Variants in GTF2E2 observed in about 807,000 individuals in gnomAD.
GTF2E2 encodes the protein general transcription factor IIE subunit 2, also known as transcription initiation factor IIE subunit beta.
GTF2E2 carries 21 observed loss-of-function variants against 40.5 expected under a neutral mutation model. The ratio of observed to expected loss-of-function variants is 0.52; its 90% CI spans 0.37 to 0.75. The LOEUF is 0.75. Ranked by LOEUF, GTF2E2 falls within the 30% of genes least tolerant of loss-of-function variation. GTF2E2 has a pLI of 0.00. For missense variants in GTF2E2, 298 were observed against 338.4 expected, an observed-to-expected ratio of 0.88 and a Z score of 0.94; for synonymous variants, 117 against 121.6, an observed-to-expected ratio of 0.96 and a Z score of 0.25.
intron 6 of GTF2E2, chr8:30,596,816 C>T (rs1200315624): frequency 6.6e-6 from 1 of 152,230 alleles, no homozygotes; most frequent in East Asian, 1.9e-4. Context: ...GAGGTTGAGT[C>T]AATCTATTGT....
chr8:30,597,270 T>A (rs1340432195), intron 6 of GTF2E2: 1 of 152,172 alleles, frequency 6.6e-6, no homozygotes, highest in Non-Finnish European at 1.5e-5. Context: ...GGCTCTTATC[T>A]CATAGGAGCA....
chr8:30,653,478 T>C lies in GTF2E2; in HGVS notation c.121A>G (p.Thr41Ala), dbSNP rs1802353483. 1 of 1,614,020 alleles carries C rather than the reference T, an allele frequency of 6.2e-7. No homozygotes were observed. The highest frequency in any genetic ancestry group is 8.5e-7 in the Non-Finnish European group (1 of 1,179,878). Residue 41 changes from threonine (T) to alanine (A), a missense_variant, in exon 2 of 8, where the codon ACA (threonine) becomes GCA (alanine). Thr to Ala is a moderately conservative substitution (Grantham distance 58). Transcript: ENST00000355904. Reference protein sequence around the residue: ...SSSSSSKKKKTKVEHGGSSGS... With the variant: ...SSSSSSKKKKAKVEHGGSSGS... ...GACGATCCTCCATGTTCTACCTTTG[T>C]TTTCTTCTTCTTTGACGATGATGAT...
At chr8:30,592,921 C>T (rs570415137) in intron 6 of GTF2E2, among the ~76,000 whole-genome samples, 1 of 152,272 alleles carries the variant, frequency 6.6e-6, no homozygotes, top group Admixed American at 6.5e-5. Context: ...ACACACAGGG[C>T]CAGGCACAGT....
intron 3 of GTF2E2, among the ~76,000 whole-genome samples, chr8:30,631,300 A>G (rs377614792): frequency 1.3e-5 from 2 of 152,232 alleles, no homozygotes; most frequent in East Asian, 1.9e-4. Flanking sequence ...TACAGGTGTG[A>G]GCCACTGTGC....
At chr8:30,650,354 A>G (rs1256953459) in intron 2 of GTF2E2, among the ~76,000 whole-genome samples, 2 of 152,106 alleles carry the variant, frequency 1.3e-5, no homozygotes, top group Non-Finnish European at 2.9e-5. Flanking sequence ...ATCTCATTAG[A>G]TACATAAAAA....
chr8:30,623,307 G>A lies in GTF2E2; in HGVS notation c.259-8592C>T, dbSNP rs183611894. On this transcript the variant is annotated intron_variant, in intron 3 of 7. Transcript: ENST00000355904. ...GAGAACATGCAGTGTTTGGTTTTTC[G>A]TCCTTGCGATAGTTTGCTGAGAATG... 1.4e-3 allele frequency among the ~76,000 whole-genome samples: 210 copies of A among 152,042 alleles called. 1 individual carries two copies. The highest frequency in any genetic ancestry group is 2.3e-3 in the African/African-American group (94 of 41,384).
At chr8:30,580,642 C>T (rs1165226491) in intron 6 of GTF2E2, among the ~76,000 whole-genome samples, 1 of 152,280 alleles carries the variant, frequency 6.6e-6, no homozygotes, top group East Asian at 1.9e-4. Context: ...ATGAGGGCTG[C>T]CACAATGAAG....
At chr8:30,629,663 T>C (rs1246071331) in intron 3 of GTF2E2, among the ~76,000 whole-genome samples, 3 of 130,310 alleles carry the variant, frequency 2.3e-5, no homozygotes, top group Admixed American at 9.2e-5. Context: ...CACTCCAGCC[T>C]GGGTGACAGA....
chr8:30,584,150 C>T (rs1023482074), intron 6 of GTF2E2, among the ~76,000 whole-genome samples: 3 of 151,478 alleles, frequency 2.0e-5, no homozygotes, highest in African/African-American at 4.8e-5. Context: ...CAGCTCTAAT[C>T]ACTAAGATTT....
chr8:30,580,371 G>C lies in GTF2E2; in HGVS notation c.669C>G (p.Val223=). 1 of 1,589,494 alleles carries C rather than the reference G, an allele frequency of 6.3e-7. No homozygotes were observed. ...TCTCCTCGTCCATGGAATCTACAGT[G>C]ACACTCCTCCACAGTTTCTGAAATT... The part of the protein sequence containing the change: ...DEEFQKLWRS[V]TVDSMDEEKI... Residue 223 remains valine, a synonymous_variant, in exon 7 of 8, where the codon GTC becomes GTG. Transcript: ENST00000355904.
intron 5 of GTF2E2, among the ~76,000 whole-genome samples, chr8:30,608,755 G>T (rs1172080946): frequency 6.6e-6 from 1 of 152,112 alleles, no homozygotes; most frequent in Admixed American, 6.5e-5. Flanking sequence ...GGGGTCAGGA[G>T]TTTGTTTGTT....
chr8:30,624,361 A>T (rs1387424116), intron 3 of GTF2E2, among the ~76,000 whole-genome samples: 2 of 151,986 alleles, frequency 1.3e-5, no homozygotes. Context: ...GTTCTGTTCC[A>T]TTGGTCTGTA....
intron 5 of GTF2E2, among the ~76,000 whole-genome samples, chr8:30,610,577 C>T (rs1394996006): frequency 6.6e-6 from 1 of 151,852 alleles, no homozygotes; most frequent in Admixed American, 6.6e-5. Context: ...ACATGAGTAC[C>T]AAGACTAAGA....
chr8:30,629,817 A>G (rs1289339356), intron 3 of GTF2E2, among the ~76,000 whole-genome samples: 7 of 152,166 alleles, frequency 4.6e-5, no homozygotes, highest in Admixed American at 4.6e-4. Flanking sequence ...TGCTGGCTGG[A>G]GAATGACACT....
intron 3 of GTF2E2, among the ~76,000 whole-genome samples, chr8:30,616,104 T>C (rs909751225): frequency 1.1e-4 from 17 of 152,130 alleles, no homozygotes; most frequent in Non-Finnish European, 4.4e-5. Context: ...GCTCCAACTG[T>C]TGACATTCCG....
chr8:30,622,064 G>A (rs1379514066), intron 3 of GTF2E2, among the ~76,000 whole-genome samples: 2 of 151,490 alleles, frequency 1.3e-5, no homozygotes, highest in Non-Finnish European at 2.9e-5. Context: ...ATGTTGGTGT[G>A]CTGTACCCAC....
chr8:30,581,890 T>C (rs1379804580), intron 6 of GTF2E2, among the ~76,000 whole-genome samples: 2 of 152,210 alleles, frequency 1.3e-5, no homozygotes, highest in Non-Finnish European at 2.9e-5. Context: ...GACTACTGAA[T>C]GTATGAAACA....
At chr8:30,611,428 T>C (rs1464680464) in intron 5 of GTF2E2, among the ~76,000 whole-genome samples, 2 of 151,972 alleles carry the variant, frequency 1.3e-5, no homozygotes, top group African/African-American at 4.8e-5. Context: ...GAAATCATAC[T>C]TAAGGGTGTA....
At chr8:30,647,532 G>A (rs913282160) in intron 2 of GTF2E2, among the ~76,000 whole-genome samples, 4 of 152,182 alleles carry the variant, frequency 2.6e-5, no homozygotes, top group Non-Finnish European at 4.4e-5. Flanking sequence ...AGTGAGCTGA[G>A]ATCATGCCAT....
Sources: gnomAD v4.1 joint callset for allele counts (sites outside exome capture counted in the v4.1 genomes callset) on GRCh38, gnomAD v4.1.1 for gene constraint, MANE v1.5 for transcripts, NCBI Gene and HGNC (gene_info 2026-07-23, HGNC 2026-07-21) for gene names.